Variants in PLCH1 observed in about 807,000 individuals in gnomAD.
The protein encoded by PLCH1 is 1-phosphatidylinositol 4,5-bisphosphate phosphodiesterase eta-1.
PLCH1 carries 60 observed loss-of-function variants against 126.7 expected under a neutral mutation model. The observed-to-expected ratio is 0.47, with a 90% CI of 0.38 to 0.59. PLCH1 has a LOEUF of 0.59. Among genes scored for constraint, PLCH1 ranks in the 20% least tolerant of loss-of-function variants. PLCH1 has a pLI of 0.00. For missense variants in PLCH1, 1,723 were observed against 2,040.0 expected, an observed-to-expected ratio of 0.84 and a Z score of 2.99; for synonymous variants, 719 against 734.9, an observed-to-expected ratio of 0.98 and a Z score of 0.35.
intron 21 of PLCH1, chr3:155,486,894 G>A (rs1715297736): frequency 6.6e-6 from 1 of 152,198 alleles, no homozygotes; most frequent in African/African-American, 2.4e-5. Context: ...GAGATAATCT[G>A]TAGTTAACCT....
intron 10 of PLCH1, among the ~76,000 whole-genome samples, chr3:155,537,186 CA>C (rs755520092): frequency 0.29 from 10,634 of 37,100 alleles, 665 homozygotes; most frequent in South Asian, 0.39. Flanking sequence ...GCTAGCACTA[CA>C]AAAAAAAAAA....
intron 2 of PLCH1, among the ~76,000 whole-genome samples, chr3:155,691,890 C>T (rs948624095): frequency 1.3e-5 from 2 of 152,094 alleles, no homozygotes; most frequent in African/African-American, 4.8e-5. Flanking sequence ...AGTATTTCTA[C>T]TTATCATCAG....
In PLCH1 at chr3:155,538,420, AAAC is replaced by A. The variant is rs563537839; in HGVS notation, c.1362+11364_1362+11366del. ...ATCAGAGCAGAACTAAATGAAATTG[AAAC>A]AACAACAAAAAATACAAAAGATAAA... On this transcript the variant is annotated intron_variant, in intron 10 of 22. Coordinates refer to ENST00000460012, the MANE Select transcript of PLCH1 (RefSeq NM_014996.4). Among the ~76,000 whole-genome samples the A allele has an allele frequency of 5.3e-4, 81 of 152,270 alleles. No homozygotes were observed. In the South Asian group the frequency reaches 0.016, roughly 30 times the overall value.
At chr3:155,475,828 T>C (rs1713522226), downstream of PLCH1, among the ~76,000 whole-genome samples, 1 of 151,998 alleles carries the variant, frequency 6.6e-6, no homozygotes. Context: ...TAAAAAAGTC[T>C]CTCAGTAGAG....
chr3:155,520,643 A>G (rs1168452102), intron 11 of PLCH1, among the ~76,000 whole-genome samples: 1 of 152,240 alleles, frequency 6.6e-6, no homozygotes, highest in Non-Finnish European at 1.5e-5. Context: ...AAGACCCATA[A>G]AGATGAATAA....
chr3:155,622,463 T>C (rs1736641844), intron 2 of PLCH1, among the ~76,000 whole-genome samples: 1 of 152,108 alleles, frequency 6.6e-6, no homozygotes, highest in Non-Finnish European at 1.5e-5. Flanking sequence ...AGACACAGAC[T>C]GGCAAATTGG....
chr3:155,632,451 C>A (rs948342210), intron 2 of PLCH1, among the ~76,000 whole-genome samples: 10 of 152,166 alleles, frequency 6.6e-5, no homozygotes, highest in African/African-American at 2.4e-4. Flanking sequence ...AGCTGTAAAG[C>A]GGTTTATCTT....
At chr3:155,611,030 T>C (rs905678003) in intron 2 of PLCH1, among the ~76,000 whole-genome samples, 3 of 152,174 alleles carry the variant, frequency 2.0e-5, no homozygotes, top group African/African-American at 4.8e-5. Flanking sequence ...AGGTATTCCA[T>C]GCAAATGAAC....
intron 9 of PLCH1, among the ~76,000 whole-genome samples, chr3:155,550,827 T>C (rs761145666): frequency 1.6e-4 from 25 of 152,202 alleles, no homozygotes; most frequent in Non-Finnish European, 3.2e-4. Context: ...TCACCTAATA[T>C]ATCAATGTGC....
chr3:155,744,526 T>C (rs879760752), intron 1 of PLCH1, among the ~76,000 whole-genome samples: 12 of 152,038 alleles, frequency 7.9e-5, no homozygotes, highest in Non-Finnish European at 1.6e-4. Context: ...GGCTGGACCT[T>C]CCACCGGGCG....
At chr3:155,489,905 T>C (rs1715911302) in intron 19 of PLCH1, among the ~76,000 whole-genome samples, 1 of 152,144 alleles carries the variant, frequency 6.6e-6, no homozygotes, top group Admixed American at 6.5e-5. Flanking sequence ...CTGAGATACC[T>C]CTCTTGAATC....
chr3:155,662,704 G>A (rs540194092), intron 2 of PLCH1, among the ~76,000 whole-genome samples: 18 of 151,884 alleles, frequency 1.2e-4, no homozygotes, highest in Admixed American at 7.2e-4. Context: ...TCACTCTGTC[G>A]TCCTGACTGG....
At chr3:155,650,459 G>A (rs1417053962) in intron 2 of PLCH1, among the ~76,000 whole-genome samples, 1 of 152,026 alleles carries the variant, frequency 6.6e-6, no homozygotes, top group Non-Finnish European at 1.5e-5. Flanking sequence ...ATGACCAGGC[G>A]GCCAGAGGCC....
intron 6 of PLCH1, among the ~76,000 whole-genome samples, chr3:155,580,484 T>G (rs1308136974): frequency 6.6e-6 from 1 of 152,138 alleles, no homozygotes; most frequent in Non-Finnish European, 1.5e-5. Flanking sequence ...TAAGCAGCAT[T>G]TACTAGCTCA....
chr3:155,494,608 C>A, intron 15 of PLCH1, 91 bp from the exon 16 acceptor site: 5 of 1,035,844 alleles, frequency 4.8e-6, no homozygotes, highest in Admixed American at 4.0e-5. Flanking sequence ...TCAGATTATA[C>A]CAATAGCAAA....
intron 2 of PLCH1, among the ~76,000 whole-genome samples, chr3:155,610,364 GAAAAAAAA>G (rs569174791): frequency 7.6e-5 from 3 of 39,466 alleles, no homozygotes; most frequent in Non-Finnish European, 1.3e-4. Flanking sequence ...TGCGTCTGGA[GAAAAAAAA>G]AAAAAAAAAA....
chr3:155,698,954 T>G (rs1746043300), intron 2 of PLCH1, among the ~76,000 whole-genome samples: 1 of 150,882 alleles, frequency 6.6e-6, no homozygotes, highest in South Asian at 2.1e-4. Context: ...CTTAAATGAA[T>G]GAAATATATT....
intron 1 of PLCH1, among the ~76,000 whole-genome samples, chr3:155,712,886 A>C (rs553199057): frequency 1.3e-5 from 2 of 151,646 alleles, no homozygotes; most frequent in African/African-American, 4.8e-5. Flanking sequence ...AATCTCCTTC[A>C]GTATCCTTTT....
intron 21 of PLCH1, among the ~76,000 whole-genome samples, chr3:155,464,276 A>G (rs1041573563): frequency 1.3e-5 from 2 of 152,166 alleles, no homozygotes; most frequent in Non-Finnish European, 2.9e-5. Context: ...CTGCAGAAAC[A>G]CAAATCAAAG....
Sources: gnomAD v4.1 joint callset for allele counts (sites outside exome capture counted in the v4.1 genomes callset) on GRCh38, gnomAD v4.1.1 for gene constraint, MANE v1.5 for transcripts, NCBI Gene and HGNC (gene_info 2026-07-23, HGNC 2026-07-21) for gene names.